The following NTNG2 variants were observed in gnomAD, a reference collection of about 807,000 sequenced individuals.
NTNG2 encodes netrin-G2.
A neutral mutation model predicts 47.6 loss-of-function variants in NTNG2; 15 were observed. The observed-to-expected ratio is 0.32, with a 90% CI of 0.21 to 0.49. The LOEUF (loss-of-function observed/expected upper bound fraction) is 0.49. Among genes scored for constraint, NTNG2 ranks in the 20% least tolerant of loss-of-function variants. NTNG2 has a pLI of 0.99. For synonymous variants in NTNG2, 307 were observed against 324.6 expected (o/e 0.95, Z 0.58); for missense variants, 578 against 764.6 (o/e 0.76, Z 2.88).
rs2131264082 is a variant in NTNG2 at position 132,166,560 on chromosome 9, A to G, written c.-272A>G. On this transcript the variant is annotated 5_prime_UTR_variant, in exon 2 of 8. In the 5' UTR this introduces an upstream ATG that the reference lacks. Transcript: ENST00000393229. Reference sequence around the variant, plus strand: ...GATTCACCTCCAGGGGAGGTGTGATACCAGGGTTAGGAGGACGTGAAGTTA... The same window carrying G: ...GATTCACCTCCAGGGGAGGTGTGATGCCAGGGTTAGGAGGACGTGAAGTTA... The G allele has an allele frequency of 2.0e-6, 1 of 489,212 alleles. No individual in the cohort carries two copies. The highest frequency in any genetic ancestry group is 3.8e-6 in the Non-Finnish European group (1 of 266,560). The allele number at this position is 489,212 out of a possible 1,614,324, so 30.3% of individuals were successfully genotyped here.
At chr9:132,222,317 C>T (rs1011183183) in intron 3 of NTNG2, among the ~76,000 whole-genome samples, 7 of 152,192 alleles carry the variant, frequency 4.6e-5, no homozygotes, top group African/African-American at 1.4e-4. Context: ...AAGGGCCGCC[C>T]GTACCAATAG....
intron 5 of NTNG2, among the ~76,000 whole-genome samples, chr9:132,235,848 G>A (rs571515547): frequency 9.8e-5 from 15 of 152,306 alleles, no homozygotes; most frequent in Non-Finnish European, 1.8e-4. Flanking sequence ...GAGGGGGGCC[G>A]CAGGAACCAA....
At chr9:132,192,057 G>A (rs1293991697) in intron 2 of NTNG2, among the ~76,000 whole-genome samples, 1 of 152,194 alleles carries the variant, frequency 6.6e-6, no homozygotes, top group Non-Finnish European at 1.5e-5. Flanking sequence ...CCTATATTAG[G>A]CCACTTTGTT....
At chr9:132,201,348 G>A (rs1838733091) in intron 3 of NTNG2, among the ~76,000 whole-genome samples, 1 of 152,268 alleles carries the variant, frequency 6.6e-6, no homozygotes, top group Non-Finnish European at 1.5e-5. Flanking sequence ...CGAGGTGGTG[G>A]CGAGAGTGTA....
rs1564454444 is a variant in NTNG2, at chr9:132,243,953, A to T, written c.*1842A>T. On this transcript the variant is annotated 3_prime_UTR_variant, in exon 8 of 8. Transcript: ENST00000393229. The stretch of plus-strand genomic sequence containing the variant: ...GCAGCTGGCCCATCTCTACCCTCAC[A>T]TTCTTCCTTACGCACAGAACCCCAC... The T allele has an allele frequency of 6.6e-6, 1 of 152,296 alleles. No individual in the cohort carries two copies. Among genetic ancestry groups the T allele is most frequent in the African/African-American group, 2.4e-5 (1 of 41,396 alleles). 9.4% of individuals were successfully genotyped at this position (152,296 alleles called of 1,614,324 possible).
rs187800446 is a variant in NTNG2, at chr9:132,168,756, G to A, written c.213+1712G>A. On this transcript the variant is annotated intron_variant, in intron 2 of 7. Coordinates refer to ENST00000393229, the MANE Select transcript of NTNG2 (RefSeq NM_032536.4). ...GGGTTCTCCACACGCTCTCGGGCACGGTCAACCTCTGTCTCTCGTATTAGA... is the reference window on the plus strand; with the variant it reads ...GGGTTCTCCACACGCTCTCGGGCACAGTCAACCTCTGTCTCTCGTATTAGA... 3.7e-3 allele frequency among the ~76,000 whole-genome samples: 567 copies of A among 152,256 alleles called. 18 individuals carry two copies. The highest frequency in any genetic ancestry group is 0.035 in the Admixed American group (539 of 15,298).
intron 2 of NTNG2, among the ~76,000 whole-genome samples, chr9:132,169,070 C>G (rs1164781132): frequency 6.6e-6 from 1 of 152,240 alleles, no homozygotes; most frequent in Admixed American, 6.5e-5. Flanking sequence ...TCATCCCAGG[C>G]AGCCAGCCTC....
chr9:132,219,617 T>C (rs908813500), intron 3 of NTNG2, among the ~76,000 whole-genome samples: 2 of 150,362 alleles, frequency 1.3e-5, no homozygotes, highest in Admixed American at 6.6e-5. Flanking sequence ...AATTATACAA[T>C]ATGTAGTCTT....
At chr9:132,222,025 G>C (rs548013389) in intron 3 of NTNG2, among the ~76,000 whole-genome samples, 3 of 152,346 alleles carry the variant, frequency 2.0e-5, no homozygotes, top group African/African-American at 7.2e-5. Flanking sequence ...AGCCAGCTCA[G>C]GGGGGTGTTA....
intron 2 of NTNG2, among the ~76,000 whole-genome samples, chr9:132,193,906 A>G (rs559373928): frequency 6.6e-6 from 1 of 152,118 alleles, no homozygotes; most frequent in Non-Finnish European, 1.5e-5. Context: ...CCGCCTTCTC[A>G]CTGTGCCTTC....
chr9:132,162,003 G>C (rs1835068363), upstream of NTNG2: 1 of 149,680 alleles, frequency 6.7e-6, no homozygotes. This position sits in a 1 kb window ranked among gnomAD's most constrained non-coding sequence, Gnocchi z 4.6. Context: ...CCCGGCCCGC[G>C]TCTCCGGGAC....
In NTNG2 at chr9:132,240,936, G is replaced by C. The variant is rs1476109763; in HGVS notation, c.1249G>C (p.Val417Leu). The C allele has an allele frequency of 2.5e-6, 4 of 1,612,634 alleles. No individual in the cohort carries two copies. The highest frequency in any genetic ancestry group is 3.4e-6 in the Non-Finnish European group (4 of 1,179,836). ...IECNCNQIGS[V>L]HDRCNETGFC... ...GTGTAACTGCAACCAGATAGGCTCCGTGCACGACCGGTGCAACGAGACCGG... is the reference window on the plus strand; with the variant it reads ...GTGTAACTGCAACCAGATAGGCTCCCTGCACGACCGGTGCAACGAGACCGG... Residue 417 changes from valine (V) to leucine (L), a missense_variant, in exon 7 of 8, where the codon GTG becomes CTG. By Grantham distance (32) the Val-to-Leu change is conservative. Coordinates refer to ENST00000393229, the MANE Select transcript of NTNG2 (RefSeq NM_032536.4).
chr9:132,195,017 C>T (rs2130696389), intron 2 of NTNG2, among the ~76,000 whole-genome samples: 1 of 152,374 alleles, frequency 6.6e-6, no homozygotes, highest in African/African-American at 2.4e-5. Flanking sequence ...GCAAACCAGA[C>T]ACCTGAAACA....
chr9:132,188,026 G>A (rs1005780571), intron 2 of NTNG2, among the ~76,000 whole-genome samples: 1 of 152,254 alleles, frequency 6.6e-6, no homozygotes, highest in Non-Finnish European at 1.5e-5. Context: ...ATGGCCCCAC[G>A]GGTCAGGGCA....
At chr9:132,234,432 C>A (rs939140057) in intron 5 of NTNG2, among the ~76,000 whole-genome samples, 3 of 152,246 alleles carry the variant, frequency 2.0e-5, no homozygotes, top group African/African-American at 2.4e-5. Flanking sequence ...ATGGCGAGAA[C>A]TTGCTTCCCA....
At chr9:132,237,580 C>T (rs796612517) in intron 5 of NTNG2, among the ~76,000 whole-genome samples, 1 of 152,182 alleles carries the variant, frequency 6.6e-6, no homozygotes, top group Admixed American at 6.5e-5. Context: ...CCCCATCCGC[C>T]GCTGGAAAAA....
chr9:132,176,161 C>T (rs547164235), intron 2 of NTNG2, among the ~76,000 whole-genome samples: 6 of 150,752 alleles, frequency 4.0e-5, no homozygotes, highest in Non-Finnish European at 5.9e-5. Context: ...CCAGCCTGGG[C>T]AATGTAGTGA....
intron 3 of NTNG2, among the ~76,000 whole-genome samples, chr9:132,200,715 A>T (rs1838681714): frequency 6.6e-6 from 1 of 152,188 alleles, no homozygotes. Context: ...GTCAGCTTCA[A>T]GTCTGGCAGA....
chr9:132,186,782 G>C (rs549522519), intron 2 of NTNG2, among the ~76,000 whole-genome samples: 1 of 152,374 alleles, frequency 6.6e-6, no homozygotes, highest in South Asian at 2.1e-4. Flanking sequence ...CCCAGGCAGC[G>C]TCCTACCTGG....
Sources: allele counts gnomAD v4.1 joint callset (sites outside exome capture counted in the v4.1 genomes callset), GRCh38; gene constraint gnomAD v4.1.1; non-coding constraint Gnocchi (gnomAD v3.1); transcripts MANE v1.5; gene names NCBI Gene and HGNC (gene_info 2026-07-23, HGNC 2026-07-21).